The following NTM variants were observed in gnomAD, a reference collection of about 807,000 sequenced individuals.
NTM encodes IgLON family member 2.
A neutral mutation model predicts 42.1 loss-of-function variants in NTM; 13 were observed. That is an observed-to-expected ratio of 0.31 (90% confidence interval 0.20 to 0.49). The LOEUF (loss-of-function observed/expected upper bound fraction) is 0.49. NTM is among the 20% of genes least tolerant of loss of function. The pLI is 0.99. For missense variants in NTM, 373 were observed against 452.8 expected (o/e 0.82, Z 1.60); for synonymous variants, 187 against 179.2 (o/e 1.04, Z -0.35).
At chr11:131,559,876 C>T (rs895885313) in intron 1 of NTM, among the ~76,000 whole-genome samples, 1 of 152,178 alleles carries the variant, frequency 6.6e-6, no homozygotes, top group African/African-American at 2.4e-5. Flanking sequence ...CTTCTGCTGT[C>T]ATCCCATTGC....
At position 131,402,705 on chromosome 11, in the gene NTM, T is replaced by C. The variant is rs781517176; in HGVS notation, c.82+31817T>C. Among the ~76,000 whole-genome samples, 12 of 152,304 alleles carry C rather than the reference T, an allele frequency of 7.9e-5. No individual in the cohort carries two copies. The Middle Eastern group carries it at 0.01, about 130-fold the overall frequency. The stretch of plus-strand genomic sequence containing the variant: ...TCTAAAAAGTAATTCTTAAAGCATA[T>C]AATCCAGAATGAAAAGTCCAGGCAG... On this transcript the variant is annotated intron_variant, in intron 1 of 8. Transcript: ENST00000683400.
chr11:132,322,125 G>A (rs896222519), intron 7 of NTM, among the ~76,000 whole-genome samples: 19 of 151,352 alleles, frequency 1.3e-4, no homozygotes, highest in South Asian at 2.1e-4. Flanking sequence ...ATCAACTAAC[G>A]AGCAAAATAA....
intron 1 of NTM, among the ~76,000 whole-genome samples, chr11:131,602,203 T>C (rs1048348783): frequency 1.3e-5 from 2 of 152,190 alleles, no homozygotes; most frequent in African/African-American, 4.8e-5. Context: ...GGTTGGTGAA[T>C]AGATCCTGCC....
At chr11:131,381,957 T>C (rs2135526500) in intron 1 of NTM, among the ~76,000 whole-genome samples, 1 of 152,360 alleles carries the variant, frequency 6.6e-6, no homozygotes, top group South Asian at 2.1e-4. Context: ...ACACTCTTTT[T>C]CATAGCTGAT....
chr11:132,314,532 T>TTGTC lies in NTM; in HGVS notation c.783-18_783-15dup, dbSNP rs761301212. ...CATAACCATCTTGTTTTCTTCTTTT[T>TTGTC]TGTCTTTTGTTTCTCTCAGACTGAT... is the stretch of plus-strand genomic sequence containing the variant. On this transcript the variant is annotated intron_variant, in intron 6 of 8. Coordinates refer to ENST00000683400, the MANE Select transcript of NTM (RefSeq NM_001352005.2). The TTGTC allele has an allele frequency of 1.9e-6, 3 of 1,600,634 alleles. No individual in the cohort carries two copies. Among genetic ancestry groups the TTGTC allele is most frequent in the South Asian group, 2.3e-5 (2 of 88,098 alleles).
intron 4 of NTM, among the ~76,000 whole-genome samples, chr11:132,262,385 T>C (rs1162533344): frequency 1.3e-5 from 2 of 152,188 alleles, no homozygotes; most frequent in Non-Finnish European, 2.9e-5. Flanking sequence ...CTAAGGCTGC[T>C]ATAACAAAAT....
rs2095874323 is a variant in NTM at position 132,336,635 on chromosome 11, T to C, written c.*1489T>C. 6.6e-6 allele frequency: 1 copy of C among 152,492 alleles called. No homozygotes were observed. 9.4% of individuals were successfully genotyped at this position (152,492 alleles called of 1,614,324 possible). ...TTTATTTCCCACCTTTGTGTGAGTGTGTATGAAAGAGAAGAAAATGCAATT... is the reference window on the plus strand; with the variant it reads ...TTTATTTCCCACCTTTGTGTGAGTGCGTATGAAAGAGAAGAAAATGCAATT... On this transcript the variant is annotated 3_prime_UTR_variant, in exon 9 of 9. Transcript: ENST00000683400.
chr11:132,137,559 C>A (rs1417474136), intron 2 of NTM, among the ~76,000 whole-genome samples: 1 of 152,220 alleles, frequency 6.6e-6, no homozygotes, highest in Non-Finnish European at 1.5e-5. Flanking sequence ...ATGGCATCCT[C>A]AAACTGGGTA....
intron 2 of NTM, among the ~76,000 whole-genome samples, chr11:132,094,009 C>T (rs1322791435): frequency 6.6e-6 from 1 of 152,112 alleles, no homozygotes; most frequent in Non-Finnish European, 1.5e-5. Flanking sequence ...AAGTGATGAA[C>T]AGAAAACGGA....
chr11:131,743,411 G>A (rs2081418053), intron 1 of NTM, among the ~76,000 whole-genome samples: 1 of 152,052 alleles, frequency 6.6e-6, no homozygotes, highest in Non-Finnish European at 1.5e-5. Flanking sequence ...TTATTTTCCA[G>A]AAATCAGATG....
intron 2 of NTM, among the ~76,000 whole-genome samples, chr11:132,067,467 TG>T: frequency 6.6e-6 from 1 of 152,238 alleles, no homozygotes; most frequent in East Asian, 1.9e-4. Context: ...GGTGGTACTA[TG>T]GATATGATCC....
chr11:131,961,590 C>CTGGAAGG (rs1353911045), intron 2 of NTM, among the ~76,000 whole-genome samples: 1 of 152,170 alleles, frequency 6.6e-6, no homozygotes, highest in African/African-American at 2.4e-5. Flanking sequence ...TGAAGATACT[C>CTGGAAGG]TGGAAGGCCT....
At chr11:131,871,641 G>A (rs1190241969) in intron 1 of NTM, among the ~76,000 whole-genome samples, 1 of 152,114 alleles carries the variant, frequency 6.6e-6, no homozygotes, top group African/African-American at 2.4e-5. Context: ...GCATTTATGG[G>A]CTTGTTCTCT....
intron 4 of NTM, among the ~76,000 whole-genome samples, chr11:132,294,495 C>T (rs118053456): frequency 0.021 from 3,176 of 152,168 alleles, 55 homozygotes; most frequent in Non-Finnish European, 0.033. Flanking sequence ...AGTTTTTTCA[C>T]GCCAAGATCC....
At chr11:131,912,005 C>T (rs978204709) in intron 2 of NTM, among the ~76,000 whole-genome samples, 9 of 152,276 alleles carry the variant, frequency 5.9e-5, no homozygotes, top group African/African-American at 1.4e-4. Context: ...AGGGGCTCCC[C>T]GCGAGCAGTC....
At chr11:131,621,396 G>A (rs933599763) in intron 1 of NTM, among the ~76,000 whole-genome samples, 1 of 152,076 alleles carries the variant, frequency 6.6e-6, no homozygotes, top group Admixed American at 6.6e-5. Flanking sequence ...GGGCATCTCC[G>A]GAGAAAGCTT....
At chr11:131,873,973 T>C (rs1041222221) in intron 1 of NTM, among the ~76,000 whole-genome samples, 2 of 131,108 alleles carry the variant, frequency 1.5e-5, no homozygotes, top group African/African-American at 5.4e-5. Context: ...ATATATATTA[T>C]ATATTATATA....
chr11:131,540,323 G>A (rs1168485878), intron 1 of NTM, among the ~76,000 whole-genome samples: 1 of 151,842 alleles, frequency 6.6e-6, no homozygotes, highest in African/African-American at 2.4e-5. Context: ...TGCCACCATG[G>A]CCAGCTAGTT....
At chr11:131,628,828 G>A (rs1205646199) in intron 1 of NTM, among the ~76,000 whole-genome samples, 1 of 152,270 alleles carries the variant, frequency 6.6e-6, no homozygotes, top group Non-Finnish European at 1.5e-5. Context: ...GGGGCCCTGA[G>A]GAACTGCTGC....
Sources: gnomAD v4.1 joint callset for allele counts (sites outside exome capture counted in the v4.1 genomes callset) on GRCh38, gnomAD v4.1.1 for gene constraint, MANE v1.5 for transcripts, NCBI Gene and HGNC (gene_info 2026-07-23, HGNC 2026-07-21) for gene names.